WWOX: variants seen among roughly 807,000 people sequenced by gnomAD.
The protein encoded by WWOX is WW domain-containing oxidoreductase.
Under a neutral mutation model 46.2 loss-of-function variants are expected in WWOX, and 69 were observed. That is an observed-to-expected ratio of 1.49 (90% CI 1.23 to 1.82). The LOEUF is 1.82. Ranked by LOEUF, WWOX falls within the 40% of genes most tolerant of loss-of-function variation. The pLI is 0.00. For missense variants in WWOX, 919 were observed against 542.6 expected (o/e 1.69, Z -6.89); for synonymous variants, 359 against 202.6 (o/e 1.77, Z -6.56).
intron 4 of WWOX, among the ~76,000 whole-genome samples, chr16:78,141,870 A>T (rs1046136460): frequency 6.6e-6 from 1 of 152,136 alleles, no homozygotes; most frequent in Non-Finnish European, 1.5e-5. Context: ...TGGAAAAAAA[A>T]TTCAGTTACT....
chr16:78,582,967 G>C (rs2045099796), intron 8 of WWOX, among the ~76,000 whole-genome samples: 1 of 152,214 alleles, frequency 6.6e-6, no homozygotes, highest in African/African-American at 2.4e-5. Flanking sequence ...TCTCATGACA[G>C]AGTGCATGTT....
chr16:78,512,907 A>G (rs1051504437), intron 8 of WWOX, among the ~76,000 whole-genome samples: 6 of 152,316 alleles, frequency 3.9e-5, no homozygotes, highest in East Asian at 3.9e-4. Flanking sequence ...ACCCAGTCTT[A>G]CTTTTCAGGC....
intron 8 of WWOX, among the ~76,000 whole-genome samples, chr16:78,479,781 A>AG (rs1430381001): frequency 2.6e-5 from 4 of 152,266 alleles, no homozygotes; most frequent in African/African-American, 9.6e-5. Flanking sequence ...GGATTCATGG[A>AG]GTTTTCCAAG....
rs533342054 is a variant in WWOX at position 78,952,159 on chromosome 16, T to C, written c.1057-259449T>C. 2.6e-5 allele frequency among the ~76,000 whole-genome samples: 4 copies of C among 152,188 alleles called. No individual in the cohort carries two copies. The South Asian group carries it at 8.3e-4, about 32-fold the overall frequency. ...CATTGTAACCCTCTACCCTCTCTTT[T>C]GGCTTCCTGCAGTTGCCCTCCTGCA... On this transcript the variant is annotated intron_variant, in intron 8 of 8. Coordinates refer to ENST00000566780, the MANE Select transcript of WWOX (RefSeq NM_016373.4).
intron 8 of WWOX, among the ~76,000 whole-genome samples, chr16:79,138,637 A>G (rs961689334): frequency 4.6e-5 from 7 of 152,094 alleles, no homozygotes; most frequent in Non-Finnish European, 7.4e-5. Flanking sequence ...TTTTAACCCA[A>G]CACTTAGAGG....
chr16:78,973,293 G>T (rs774294343), intron 8 of WWOX, among the ~76,000 whole-genome samples: 1 of 152,132 alleles, frequency 6.6e-6, no homozygotes, highest in African/African-American at 2.4e-5. Context: ...CTGTCATCCT[G>T]GCGTTTGGGT....
intron 8 of WWOX, among the ~76,000 whole-genome samples, chr16:78,701,330 G>C (rs1396925692): frequency 6.6e-6 from 1 of 151,968 alleles, no homozygotes; most frequent in African/African-American, 2.4e-5. Flanking sequence ...TCTTGCCTTG[G>C]CCTCCCATAG....
At chr16:78,940,094 C>T (rs2045821654) in intron 8 of WWOX, among the ~76,000 whole-genome samples, 1 of 152,154 alleles carries the variant, frequency 6.6e-6, no homozygotes. Context: ...AGGTGGTCAT[C>T]ATTTTATTTG....
At chr16:78,964,343 C>G (rs1472506774) in intron 8 of WWOX, among the ~76,000 whole-genome samples, 1 of 152,124 alleles carries the variant, frequency 6.6e-6, no homozygotes, top group East Asian at 1.9e-4. Flanking sequence ...GAGGTGGTCT[C>G]AGATGGAGAT....
chr16:79,179,390 C>T (rs1369028898), intron 8 of WWOX, among the ~76,000 whole-genome samples: 3 of 152,182 alleles, frequency 2.0e-5, no homozygotes, highest in South Asian at 2.1e-4. Context: ...GGTACACTTT[C>T]CACCCTCCCC....
intron 8 of WWOX, among the ~76,000 whole-genome samples, chr16:78,837,285 A>T (rs752802802): frequency 1.5e-4 from 23 of 152,116 alleles, no homozygotes; most frequent in Non-Finnish European, 2.9e-4. Context: ...CGCGAGTTTC[A>T]TTTTCATTTC....
chr16:78,670,603 C>A (rs1597422225), intron 8 of WWOX, among the ~76,000 whole-genome samples: 1 of 152,074 alleles, frequency 6.6e-6, no homozygotes, highest in African/African-American at 2.4e-5. Context: ...GAATAATGTC[C>A]CCCCAAATTC....
At chr16:78,889,982 CTG>C (rs2044552736) in intron 8 of WWOX, among the ~76,000 whole-genome samples, 1 of 152,124 alleles carries the variant, frequency 6.6e-6, no homozygotes, top group Admixed American at 6.6e-5. Context: ...AAATGAATCT[CTG>C]TTTTTTTTTC....
intron 8 of WWOX, among the ~76,000 whole-genome samples, chr16:78,656,766 T>C (rs1231592824): frequency 6.6e-6 from 1 of 152,030 alleles, no homozygotes; most frequent in Non-Finnish European, 1.5e-5. Context: ...TTACAAGGGG[T>C]TCCTTCCAAA....
chr16:78,667,670 C>CAAAA (rs35375082), intron 8 of WWOX, among the ~76,000 whole-genome samples: 13 of 61,290 alleles, frequency 2.1e-4, no homozygotes, highest in East Asian at 5.3e-4. Context: ...GACTCCGTCT[C>CAAAA]AAAAAAAAAA....
chr16:78,892,751 A>G (rs2044618593), intron 8 of WWOX, among the ~76,000 whole-genome samples: 1 of 152,206 alleles, frequency 6.6e-6, no homozygotes, highest in African/African-American at 2.4e-5. Context: ...ATGGCATCCC[A>G]CAACTTTCTA....
At chr16:78,567,478 G>A (rs1473055619) in intron 8 of WWOX, among the ~76,000 whole-genome samples, 1 of 150,588 alleles carries the variant, frequency 6.6e-6, no homozygotes, top group East Asian at 2.0e-4. Context: ...TCATGAACCC[G>A]GGAGGCGGAG....
At chr16:78,911,054 C>T (rs1428666012) in intron 8 of WWOX, among the ~76,000 whole-genome samples, 1 of 151,382 alleles carries the variant, frequency 6.6e-6, no homozygotes, top group Non-Finnish European at 1.5e-5. Context: ...AGCCTGTCGA[C>T]TTCCATCCCC....
intron 8 of WWOX, among the ~76,000 whole-genome samples, chr16:79,172,004 C>T (rs1004311714): frequency 3.9e-5 from 6 of 152,150 alleles, no homozygotes; most frequent in Admixed American, 6.5e-5. Flanking sequence ...ACAGGTCATC[C>T]TGACTCTCAG....
Sources: gnomAD v4.1 joint callset for allele counts (sites outside exome capture counted in the v4.1 genomes callset) on GRCh38, gnomAD v4.1.1 for gene constraint, MANE v1.5 for transcripts, NCBI Gene and HGNC (gene_info 2026-07-23, HGNC 2026-07-21) for gene names.